The following EDIL3 variants were observed in gnomAD, a reference collection of about 807,000 sequenced individuals.
The protein encoded by EDIL3 is EGF-like repeat and discoidin I-like domain-containing protein 3.
EDIL3 carries 37 observed loss-of-function variants against 67.4 expected under a neutral mutation model. That is an observed-to-expected ratio of 0.55 (90% CI 0.42 to 0.72). EDIL3 has a LOEUF of 0.72. Among genes scored for constraint, EDIL3 ranks in the 30% least tolerant of loss-of-function variants. EDIL3 has a pLI of 0.00. For missense variants in EDIL3, 527 were observed against 586.3 expected (o/e 0.90, Z 1.04); for synonymous variants, 195 against 196.3 (o/e 0.99, Z 0.05).
At chr5:84,271,062 T>C (rs1745463783) in intron 1 of EDIL3, among the ~76,000 whole-genome samples, 1 of 152,224 alleles carries the variant, frequency 6.6e-6, no homozygotes, top group Admixed American at 6.5e-5. Context: ...TTTATCTAAA[T>C]ATTTTAAAAT....
intron 5 of EDIL3, among the ~76,000 whole-genome samples, chr5:84,133,464 CAAAAAAAAA>C (rs5869210): frequency 4.6e-5 from 4 of 86,526 alleles, no homozygotes; most frequent in Non-Finnish European, 4.5e-5. Flanking sequence ...ACTAAAAATA[CAAAAAAAAA>C]AAAAAAAAAA....
At position 83,943,260 on chromosome 5, in the gene EDIL3, G is replaced by A. The variant is rs1744256136; in HGVS notation, c.*159C>T. 1 of 845,648 alleles carries A rather than the reference G, an allele frequency of 1.2e-6. No individual in the cohort carries two copies. The highest frequency in any genetic ancestry group is 1.8e-6 in the Non-Finnish European group (1 of 557,362). The allele number at this position is 845,648 out of a possible 1,614,324, so 52.4% of individuals were successfully genotyped here. A position where few individuals can be genotyped will look rare whatever the true frequency, so the allele number is the denominator to read the frequency against. On this transcript the variant is annotated 3_prime_UTR_variant, in exon 11 of 11. Coordinates refer to ENST00000296591, the MANE Select transcript of EDIL3 (RefSeq NM_005711.5). ...TTAAATCATTGAAAAGGCAGGCTTA[G>A]ACCCCCTTAAAAACACCGTTAGTTG...
At chr5:84,328,413 C>G (rs1239225898) in intron 1 of EDIL3, among the ~76,000 whole-genome samples, 1 of 152,064 alleles carries the variant, frequency 6.6e-6, no homozygotes, top group African/African-American at 2.4e-5. Flanking sequence ...GATGTTAACT[C>G]TTACCATGAG....
At chr5:84,180,079 G>A (rs1748988215) in intron 4 of EDIL3, among the ~76,000 whole-genome samples, 1 of 151,864 alleles carries the variant, frequency 6.6e-6, no homozygotes, top group Non-Finnish European at 1.5e-5. Flanking sequence ...AAAGGATGTG[G>A]CTTTAGGACA....
intron 1 of EDIL3, among the ~76,000 whole-genome samples, chr5:84,379,799 A>G (rs550304365): frequency 6.6e-6 from 1 of 152,176 alleles, no homozygotes; most frequent in African/African-American, 2.4e-5. Context: ...ATGAAAACTA[A>G]CTAATAACAT....
chr5:84,053,336 A>C (rs1746377109), intron 9 of EDIL3, among the ~76,000 whole-genome samples: 1 of 152,252 alleles, frequency 6.6e-6, no homozygotes, highest in Non-Finnish European at 1.5e-5. Flanking sequence ...TATAGCACTA[A>C]ATGCCCACAA....
chr5:84,312,591 G>A (rs1404609137), intron 1 of EDIL3, among the ~76,000 whole-genome samples: 9 of 142,308 alleles, frequency 6.3e-5, no homozygotes, highest in African/African-American at 1.6e-4. Context: ...CGGACGGGGC[G>A]GCTGGCCGGG....
At chr5:84,313,154 CA>C (rs994145193) in intron 1 of EDIL3, among the ~76,000 whole-genome samples, 3 of 152,050 alleles carry the variant, frequency 2.0e-5, no homozygotes, top group African/African-American at 7.2e-5. Context: ...TGTCACCATA[CA>C]AAATACAGAA....
chr5:83,991,678 T>C (rs1021624756), intron 9 of EDIL3, among the ~76,000 whole-genome samples: 4 of 152,166 alleles, frequency 2.6e-5, no homozygotes, highest in African/African-American at 7.2e-5. Context: ...AGGGGAAACA[T>C]TGTGGTTGTA....
rs1237006763 is a variant in EDIL3, at chr5:83,942,126, T to A, written c.*1293A>T. The A allele has an allele frequency of 6.6e-6, 1 of 152,074 alleles. No homozygotes were observed. The highest frequency in any genetic ancestry group is 1.5e-5 in the Non-Finnish European group (1 of 67,942). The allele number at this position is 152,074 out of a possible 1,614,324, so 9.4% of individuals were successfully genotyped here. A position where few individuals can be genotyped will look rare whatever the true frequency, so the allele number is the denominator to read the frequency against. The stretch of plus-strand genomic sequence containing the variant: ...ATAAATTAGATGTTGAAGACTTTTA[T>A]GGAGGCAGTGTGAGCTTTAATTTGA... On this transcript the variant is annotated 3_prime_UTR_variant, in exon 11 of 11. Coordinates refer to ENST00000296591, the MANE Select transcript of EDIL3 (RefSeq NM_005711.5).
intron 3 of EDIL3, among the ~76,000 whole-genome samples, chr5:84,211,258 G>A (rs1744112042): frequency 6.6e-6 from 1 of 152,018 alleles, no homozygotes; most frequent in East Asian, 1.9e-4. Flanking sequence ...ATTAGTATCC[G>A]GGATAACTGG....
chr5:84,049,927 C>T (rs1006830188), intron 9 of EDIL3, among the ~76,000 whole-genome samples: 13 of 151,934 alleles, frequency 8.6e-5, no homozygotes, highest in South Asian at 4.1e-4. Flanking sequence ...CGGCCGGGCG[C>T]GGTGGCTCAC....
chr5:84,106,256 A>C (rs1430539151), intron 6 of EDIL3, among the ~76,000 whole-genome samples: 1 of 152,078 alleles, frequency 6.6e-6, no homozygotes, highest in Non-Finnish European at 1.5e-5. Flanking sequence ...GGTATATTTT[A>C]TACTTGCATT....
intron 6 of EDIL3, among the ~76,000 whole-genome samples, chr5:84,082,328 T>C (rs374671630): frequency 1.2e-4 from 18 of 152,220 alleles, no homozygotes; most frequent in African/African-American, 4.3e-4. Flanking sequence ...AAAAGGTACT[T>C]CTGGGAAACA....
At chr5:84,286,352 G>A (rs1314498826) in intron 1 of EDIL3, among the ~76,000 whole-genome samples, 4 of 152,048 alleles carry the variant, frequency 2.6e-5, no homozygotes, top group East Asian at 1.9e-4. Flanking sequence ...AGATGTCCAC[G>A]TGAAAGAGCA....
rs186433386 is a variant in EDIL3, at chr5:84,125,866, G to A, written c.469+11375C>T. Among the ~76,000 whole-genome samples the A allele has an allele frequency of 1.2e-3, 179 of 151,654 alleles. 1 individual carries two copies. The South Asian group carries it at 0.018, about 15-fold the overall frequency. On this transcript the variant is annotated intron_variant, in intron 5 of 10. Coordinates refer to ENST00000296591, the MANE Select transcript of EDIL3 (RefSeq NM_005711.5). ...ACTTTTAAGGAGACTGAAAAGGTTC[G>A]GTTGAATATGCTCAACTTCAGATAG...
At chr5:84,165,491 C>T (rs914055131) in intron 4 of EDIL3, among the ~76,000 whole-genome samples, 2 of 152,162 alleles carry the variant, frequency 1.3e-5, no homozygotes, top group Non-Finnish European at 2.9e-5. Flanking sequence ...CTGCTAGCTC[C>T]TGCCTTCCAA....
intron 9 of EDIL3, among the ~76,000 whole-genome samples, chr5:83,974,504 G>A (rs1236624250): frequency 6.6e-6 from 1 of 151,920 alleles, no homozygotes; most frequent in Non-Finnish European, 1.5e-5. Context: ...TTTGTTCAAA[G>A]ATCAGAGTAT....
intron 9 of EDIL3, among the ~76,000 whole-genome samples, chr5:84,023,041 T>C (rs1404412825): frequency 1.3e-5 from 2 of 151,810 alleles, no homozygotes; most frequent in African/African-American, 4.8e-5. Flanking sequence ...TATCAATAAA[T>C]GAAAACAACT....
Sources: gnomAD v4.1 joint callset for allele counts (sites outside exome capture counted in the v4.1 genomes callset) on GRCh38, gnomAD v4.1.1 for gene constraint, MANE v1.5 for transcripts, NCBI Gene and HGNC (gene_info 2026-07-23, HGNC 2026-07-21) for gene names.